The following ADAMTSL3 variants were observed in gnomAD, a reference collection of about 807,000 sequenced individuals.
The protein encoded by ADAMTSL3 is ADAMTS-like protein 3.
In ADAMTSL3, 128 loss-of-function variants were observed where a neutral mutation model predicts 201.7. The observed-to-expected ratio is 0.63, with a 90% CI of 0.55 to 0.73. The LOEUF (loss-of-function observed/expected upper bound fraction) is 0.73, where lower values mean the gene tolerates loss of function less well. Ranked by LOEUF, ADAMTSL3 falls within the 30% of genes least tolerant of loss-of-function variation. The pLI, the probability that ADAMTSL3 is intolerant of heterozygous loss-of-function variation, is 0.00. For missense variants in ADAMTSL3, 1,990 were observed against 2,119.6 expected, an observed-to-expected ratio of 0.94 and a Z score of 1.20; for synonymous variants, 738 against 748.4, an observed-to-expected ratio of 0.99 and a Z score of 0.23.
chr15:83,810,843 A>C (rs2063683768), intron 5 of ADAMTSL3, among the ~76,000 whole-genome samples: 1 of 152,154 alleles, frequency 6.6e-6, no homozygotes, highest in African/African-American at 2.4e-5. Context: ...GGTTCAAGCG[A>C]TTCTCCTGCC....
At chr15:83,693,984 A>G (rs1044579993) in intron 2 of ADAMTSL3, among the ~76,000 whole-genome samples, 1 of 152,238 alleles carries the variant, frequency 6.6e-6, no homozygotes, top group Non-Finnish European at 1.5e-5. Context: ...AAAGACAAAG[A>G]TGCCTTTTCT....
At chr15:83,900,678 A>AT (rs1367917577) in intron 15 of ADAMTSL3, among the ~76,000 whole-genome samples, 1 of 152,264 alleles carries the variant, frequency 6.6e-6, no homozygotes, top group Non-Finnish European at 1.5e-5. Flanking sequence ...CAATGGGCAG[A>AT]GTTCACTGCA....
At chr15:83,980,903 C>A (rs548794221) in intron 20 of ADAMTSL3, among the ~76,000 whole-genome samples, 2 of 152,176 alleles carry the variant, frequency 1.3e-5, no homozygotes, top group African/African-American at 4.8e-5. Flanking sequence ...CTGTAGCCAG[C>A]GCCAAGGGCC....
intron 7 of ADAMTSL3, among the ~76,000 whole-genome samples, chr15:83,850,936 C>T (rs2064598907): frequency 6.6e-6 from 1 of 152,104 alleles, no homozygotes; most frequent in East Asian, 1.9e-4. Context: ...TTGAGTTCTC[C>T]CTCTCTATAT....
At chr15:83,833,058 T>C (rs183137606) in intron 6 of ADAMTSL3, among the ~76,000 whole-genome samples, 1 of 152,322 alleles carries the variant, frequency 6.6e-6, no homozygotes, top group Admixed American at 6.5e-5. Flanking sequence ...GTATCAGGCA[T>C]TGTGGAAGTC....
chr15:83,993,142 A>G (rs1412901639), intron 23 of ADAMTSL3, among the ~76,000 whole-genome samples: 3 of 152,262 alleles, frequency 2.0e-5, no homozygotes, highest in African/African-American at 7.2e-5. Flanking sequence ...GGCAGAAGCC[A>G]TACCTAATGG....
At chr15:83,993,345 A>G (rs1423824795) in intron 23 of ADAMTSL3, among the ~76,000 whole-genome samples, 1 of 152,218 alleles carries the variant, frequency 6.6e-6, no homozygotes, top group African/African-American at 2.4e-5. Flanking sequence ...TTATCATCCA[A>G]TTCAGTTTTT....
At chr15:83,977,241 A>T (rs1413119156) in intron 20 of ADAMTSL3, among the ~76,000 whole-genome samples, 1 of 152,094 alleles carries the variant, frequency 6.6e-6, no homozygotes, top group Non-Finnish European at 1.5e-5. Flanking sequence ...TCCCAAAACC[A>T]TCTAGCCCCC....
At chr15:83,845,366 T>G (rs1274453929) in intron 7 of ADAMTSL3, among the ~76,000 whole-genome samples, 2 of 152,234 alleles carry the variant, frequency 1.3e-5, no homozygotes, top group East Asian at 1.9e-4. Context: ...CAGTTAATGT[T>G]GAACAAATGA....
At chr15:83,769,075 A>C (rs992146175) in intron 3 of ADAMTSL3, among the ~76,000 whole-genome samples, 31 of 152,196 alleles carry the variant, frequency 2.0e-4, no homozygotes, top group African/African-American at 7.0e-4. Context: ...TGCCTATTTT[A>C]GTTATTTTAG....
chr15:83,842,484 T>C (rs527344545), intron 7 of ADAMTSL3, among the ~76,000 whole-genome samples: 48 of 152,260 alleles, frequency 3.2e-4, no homozygotes, highest in African/African-American at 1.2e-3. Context: ...GGGCTTGAGC[T>C]GCTGGGCACG....
chr15:83,718,616 G>A (rs1476341897), intron 3 of ADAMTSL3, among the ~76,000 whole-genome samples: 3 of 151,684 alleles, frequency 2.0e-5, no homozygotes, highest in East Asian at 1.9e-4. Flanking sequence ...GCTTGAACCC[G>A]GGAGGCAGAG....
At chr15:83,928,723 A>G (rs897253126) in intron 17 of ADAMTSL3, among the ~76,000 whole-genome samples, 1 of 152,252 alleles carries the variant, frequency 6.6e-6, no homozygotes, top group Non-Finnish European at 1.5e-5. Flanking sequence ...CATTCTAAGA[A>G]TTAGTGCATA....
chr15:83,686,082 C>T (rs1173275188), intron 2 of ADAMTSL3, among the ~76,000 whole-genome samples: 2 of 152,182 alleles, frequency 1.3e-5, no homozygotes, highest in South Asian at 4.1e-4. Context: ...AGACGCCTCT[C>T]TTTTACAACC....
At chr15:83,737,580 G>A (rs992124070) in intron 3 of ADAMTSL3, among the ~76,000 whole-genome samples, 1 of 152,192 alleles carries the variant, frequency 6.6e-6, no homozygotes, top group Admixed American at 6.5e-5. Context: ...GCAGAACTAT[G>A]AGTCAATTAA....
At chr15:84,009,137 A>T (rs1387820084) in intron 23 of ADAMTSL3, among the ~76,000 whole-genome samples, 1 of 152,202 alleles carries the variant, frequency 6.6e-6, no homozygotes, top group Non-Finnish European at 1.5e-5. Flanking sequence ...AGTCCTTTAG[A>T]AACACAAGTC....
At chr15:83,936,673 TTAAAC>T (rs2066465979) in intron 17 of ADAMTSL3, among the ~76,000 whole-genome samples, 1 of 150,868 alleles carries the variant, frequency 6.6e-6, no homozygotes, top group African/African-American at 2.5e-5. Flanking sequence ...TGAGACGTAA[TTAAAC>T]TAAAGAGCTT....
At chr15:83,733,317 A>G (rs1023828331) in intron 3 of ADAMTSL3, among the ~76,000 whole-genome samples, 7 of 152,172 alleles carry the variant, frequency 4.6e-5, no homozygotes, top group Admixed American at 6.5e-5. Flanking sequence ...TCCTAATGTG[A>G]TACTATCGTA....
intron 4 of ADAMTSL3, among the ~76,000 whole-genome samples, chr15:83,794,261 A>C (rs965133184): frequency 3.9e-5 from 6 of 152,234 alleles, no homozygotes; most frequent in African/African-American, 1.2e-4. Context: ...CTTTTAAAAA[A>C]ATAAACATGC....
Sources: allele counts gnomAD v4.1 joint callset (sites outside exome capture counted in the v4.1 genomes callset), GRCh38; gene constraint gnomAD v4.1.1; transcripts MANE v1.5; gene names NCBI Gene and HGNC (gene_info 2026-07-23, HGNC 2026-07-21).